Variants in ROBO2 observed in about 807,000 individuals in gnomAD.
ROBO2 encodes the protein roundabout homolog 2.
Under a neutral mutation model 160.8 loss-of-function variants are expected in ROBO2, and 53 were observed. The ratio of observed to expected loss-of-function variants is 0.33; its 90% confidence interval spans 0.26 to 0.41. The LOEUF (loss-of-function observed/expected upper bound fraction) is 0.41, where lower values mean the gene tolerates loss of function less well. Ranked by LOEUF, ROBO2 falls within the 10% of genes least tolerant of loss-of-function variation. The pLI is 1.00. For synonymous variants in ROBO2, 664 were observed against 611.7 expected (o/e 1.09, Z -1.26); for missense variants, 1,577 against 1,722.4 (o/e 0.92, Z 1.49).
chr3:77,090,988 A>T (rs373754243), intron 1 of ROBO2, among the ~76,000 whole-genome samples: 11 of 152,346 alleles, frequency 7.2e-5, no homozygotes, highest in African/African-American at 2.6e-4. Context: ...TGAACACAGC[A>T]TAGAAATTTT....
At chr3:77,299,950 T>C (rs910229712) in intron 2 of ROBO2, among the ~76,000 whole-genome samples, 3 of 152,000 alleles carry the variant, frequency 2.0e-5, no homozygotes, top group African/African-American at 2.4e-5. Flanking sequence ...TGAAAATCAA[T>C]ATGGGATTCA....
chr3:77,355,093 C>A (rs1325581813), intron 2 of ROBO2, among the ~76,000 whole-genome samples: 1 of 151,438 alleles, frequency 6.6e-6, no homozygotes, highest in South Asian at 2.1e-4. Context: ...AGAGTTCTAT[C>A]ACATACCTTT....
intron 13 of ROBO2, 99 bp downstream of exon 14, chr3:77,568,533 G>C: frequency 7.0e-7 from 1 of 1,425,456 alleles, no homozygotes; most frequent in African/African-American, 1.4e-5. Flanking sequence ...AAAAATTCCC[G>C]CCATTTAAAA....
intron 2 of ROBO2, among the ~76,000 whole-genome samples, chr3:77,196,131 G>A (rs2150978016): frequency 6.6e-6 from 1 of 152,306 alleles, no homozygotes; most frequent in Admixed American, 6.5e-5. Context: ...GAGAGCAGCA[G>A]TAGACAGCTA....
chr3:76,608,916 CACCTCCTCCCA>C (rs1236479134), intron 2 of ROBO2, among the ~76,000 whole-genome samples: 3 of 152,078 alleles, frequency 2.0e-5, no homozygotes, highest in African/African-American at 7.2e-5. Flanking sequence ...TTTTTTCCCT[CACCTCCTCCCA>C]ACCTTTCCCC....
chr3:76,545,818 A>AT (rs2083066866), intron 2 of ROBO2, among the ~76,000 whole-genome samples: 1 of 151,870 alleles, frequency 6.6e-6, no homozygotes, highest in African/African-American at 2.4e-5. Flanking sequence ...TCTATCTAAC[A>AT]TATTGTTAAT....
intron 1 of ROBO2, chr3:75,907,070 G>C (rs981929155): frequency 2.6e-5 from 4 of 152,370 alleles, no homozygotes; most frequent in African/African-American, 9.7e-5. Flanking sequence ...CAAATTCACG[G>C]AAGGTCTTGG....
At chr3:76,834,077 T>TCTTTCTTTCTTC in intron 2 of ROBO2, among the ~76,000 whole-genome samples, 1 of 140,566 alleles carries the variant, frequency 7.1e-6, no homozygotes, top group Middle Eastern at 3.5e-3. Flanking sequence ...TTTCTTTCTT[T>TCTTTCTTTCTTC]CTTTCTTTCT....
chr3:77,279,135 A>G (rs1467617276), intron 2 of ROBO2, among the ~76,000 whole-genome samples: 2 of 152,024 alleles, frequency 1.3e-5, no homozygotes. Context: ...AAAACTGAAA[A>G]CGTCTCTTTT....
At chr3:77,616,323 G>C (rs2094774777) in intron 21 of ROBO2, among the ~76,000 whole-genome samples, 1 of 151,966 alleles carries the variant, frequency 6.6e-6, no homozygotes, top group Admixed American at 6.6e-5. Flanking sequence ...GGAAAGATGA[G>C]TTTATCAGAC....
intron 2 of ROBO2, among the ~76,000 whole-genome samples, chr3:77,403,703 A>C (rs1018087296): frequency 1.3e-5 from 2 of 151,488 alleles, no homozygotes; most frequent in African/African-American, 4.9e-5. Flanking sequence ...TGAACATTAG[A>C]GTGCAGATAT....
chr3:77,105,014 A>G (rs1453092824), intron 2 of ROBO2, among the ~76,000 whole-genome samples: 1 of 152,046 alleles, frequency 6.6e-6, no homozygotes, highest in Non-Finnish European at 1.5e-5. Context: ...AAAGCTGGCA[A>G]TTTGTCTTCT....
chr3:77,538,836 G>T, intron 6 of ROBO2: 1 of 487,384 alleles, frequency 2.1e-6, no homozygotes, highest in Admixed American at 2.1e-5. Flanking sequence ...TAATTGCATT[G>T]CAAAGAAACG....
At chr3:76,889,127 T>C (rs942879262) in intron 2 of ROBO2, among the ~76,000 whole-genome samples, 1 of 152,204 alleles carries the variant, frequency 6.6e-6, no homozygotes, top group African/African-American at 2.4e-5. Flanking sequence ...TGACTGATGA[T>C]AGTTGTTGAG....
chr3:76,986,595 T>A lies in ROBO2; in HGVS notation c.110-111419T>A, dbSNP rs547603623. Among the ~76,000 whole-genome samples the A allele has an allele frequency of 3.9e-5, 6 of 152,210 alleles. No individual in the cohort carries two copies. The South Asian group carries it at 6.2e-4, about 16-fold the overall frequency. ...AATAACTTAAGAATATTACAATTTT[T>A]AAAAAACAGATTCTTTTTTGAAATA... On this transcript the variant is annotated intron_variant, in intron 2 of 26. Coordinates refer to the ROBO2 transcript ENST00000487694.
At chr3:76,974,977 T>C (rs2059743251) in intron 2 of ROBO2, among the ~76,000 whole-genome samples, 1 of 152,120 alleles carries the variant, frequency 6.6e-6, no homozygotes, top group African/African-American at 2.4e-5. Flanking sequence ...AAATTCCATA[T>C]GATAATAATA....
At chr3:76,679,493 A>G (rs1244047590) in intron 2 of ROBO2, among the ~76,000 whole-genome samples, 1 of 152,134 alleles carries the variant, frequency 6.6e-6, no homozygotes, top group African/African-American at 2.4e-5. Context: ...ATATAAATAT[A>G]AAACTATATA....
chr3:76,107,453 C>T (rs1301887934), intron 2 of ROBO2, among the ~76,000 whole-genome samples: 1 of 152,070 alleles, frequency 6.6e-6, no homozygotes, highest in East Asian at 1.9e-4. Flanking sequence ...GACTTGTCTC[C>T]TTAGCATTTT....
chr3:76,401,313 A>G (rs1041966106), intron 2 of ROBO2, among the ~76,000 whole-genome samples: 2 of 151,544 alleles, frequency 1.3e-5, no homozygotes, highest in African/African-American at 4.8e-5. Context: ...ACGTGACTGT[A>G]GTGCCCATTC....
Sources: gnomAD v4.1 joint callset for allele counts (sites outside exome capture counted in the v4.1 genomes callset) on GRCh38, gnomAD v4.1.1 for gene constraint, MANE v1.5 for transcripts, NCBI Gene and HGNC (gene_info 2026-07-23, HGNC 2026-07-21) for gene names.